HEATR5A: variants seen among roughly 807,000 people sequenced by gnomAD.
The protein encoded by HEATR5A is HEAT repeat-containing protein 5A.
HEATR5A carries 178 observed loss-of-function variants against 218.8 expected under a neutral mutation model. The ratio of observed to expected loss-of-function variants is 0.81; its 90% CI spans 0.72 to 0.92. HEATR5A has a LOEUF of 0.92. Among genes scored for constraint, HEATR5A ranks in the 40% least tolerant of loss-of-function variants. HEATR5A has a pLI of 0.00. For missense variants in HEATR5A, 2,420 were observed against 2,418.9 expected (o/e 1.00, Z -0.01); for synonymous variants, 864 against 871.6 (o/e 0.99, Z 0.15).
chr14:31,416,002 G>C (rs1313850855), intron 1 of HEATR5A, among the ~76,000 whole-genome samples: 3 of 151,706 alleles, frequency 2.0e-5, no homozygotes, highest in African/African-American at 7.3e-5. Context: ...CCAGGCTGGA[G>C]TGCAGTGGCA....
intron 14 of HEATR5A, among the ~76,000 whole-genome samples, chr14:31,359,729 CAAAAAAAAAAA>C (rs376157768): frequency 2.2e-4 from 7 of 32,198 alleles, no homozygotes; most frequent in Non-Finnish European, 4.5e-4. Flanking sequence ...CATCTCAAGA[CAAAAAAAAAAA>C]AAAAAAAAAA....
At chr14:31,406,167 A>G (rs2031053415) in intron 1 of HEATR5A, among the ~76,000 whole-genome samples, 1 of 152,216 alleles carries the variant, frequency 6.6e-6, no homozygotes, top group South Asian at 2.1e-4. Context: ...ATACGTTTTA[A>G]AATAACCACA....
intron 14 of HEATR5A, among the ~76,000 whole-genome samples, chr14:31,363,797 A>G (rs1370091731): frequency 6.6e-6 from 1 of 152,174 alleles, no homozygotes; most frequent in Non-Finnish European, 1.5e-5. Context: ...CTTGGGCAAC[A>G]TGGCGAAACC....
chr14:31,336,534 T>C (rs998091780), intron 22 of HEATR5A, among the ~76,000 whole-genome samples: 2 of 152,080 alleles, frequency 1.3e-5, no homozygotes, highest in African/African-American at 4.8e-5. Context: ...TGAATTCATA[T>C]GCAAATTCAG....
chr14:31,343,978 G>C lies in HEATR5A; in HGVS notation c.3146C>G (p.Ala1049Gly). The C allele has an allele frequency of 6.2e-7, 1 of 1,611,958 alleles. No individual in the cohort carries two copies. Among genetic ancestry groups the C allele is most frequent in the Non-Finnish European group, 8.5e-7 (1 of 1,178,918 alleles). The change falls in exon 21 of 36, where the codon GCT (alanine) becomes GGT (glycine). Residue 1049 changes from alanine to glycine, a missense_variant. By Grantham distance (60) the Ala-to-Gly change is moderately conservative. Coordinates refer to ENST00000543095, the MANE Select transcript of HEATR5A (RefSeq NM_015473.4). ...MQDNPDCLVQ[A>G]QAISCLQQLH... ...CTGCTGAAGGCAAGAGATGGCCTGA[G>C]CTTGAACAAGGCAGTCTGGGTTATC... is the stretch of plus-strand genomic sequence containing the variant.
rs1901157792 is a variant in HEATR5A, at chr14:31,349,842, T to C, written c.2655A>G (p.Gln885=). The change falls in exon 18 of 36, where the codon CAA becomes CAG. Residue 885 remains glutamine, a synonymous_variant. Coordinates refer to ENST00000543095, the MANE Select transcript of HEATR5A (RefSeq NM_015473.4). ...CAGTAAAAGCTCCATCATCTACCAC[T>C]TGGGCTAATCTAGCCCATGACTCTG... ...AAAESWARLA[Q]VVDDGAFTAG... is the part of the protein sequence containing the mutation. The C allele has an allele frequency of 1.2e-6, 2 of 1,612,658 alleles. No individual in the cohort carries two copies. The highest frequency in any genetic ancestry group is 1.7e-6 in the Non-Finnish European group (2 of 1,178,794).
intron 7 of HEATR5A, among the ~76,000 whole-genome samples, chr14:31,387,992 G>A (rs1437711475): frequency 1.3e-5 from 2 of 152,054 alleles, no homozygotes; most frequent in African/African-American, 4.8e-5. Flanking sequence ...TGTGAACAAC[G>A]GCTCCGAGAG....
At chr14:31,348,315 C>T (rs1444636018) in intron 18 of HEATR5A, among the ~76,000 whole-genome samples, 1 of 152,144 alleles carries the variant, frequency 6.6e-6, no homozygotes, top group Non-Finnish European at 1.5e-5. Flanking sequence ...GTAGCTCACG[C>T]CTGTACTCTC....
At chr14:31,407,133 A>G (rs1281342614) in intron 1 of HEATR5A, among the ~76,000 whole-genome samples, 1 of 136,908 alleles carries the variant, frequency 7.3e-6, no homozygotes, top group Non-Finnish European at 1.7e-5. Flanking sequence ...TCTACAAAAA[A>G]TAAAAAAATT....
intron 14 of HEATR5A, among the ~76,000 whole-genome samples, chr14:31,359,464 C>T (rs532748198): frequency 3.0e-4 from 46 of 151,810 alleles, no homozygotes; most frequent in African/African-American, 9.2e-4. Flanking sequence ...TGGTGGCTCA[C>T]ACCTGTAATC....
At chr14:31,413,784 T>C (rs1294504802) in intron 1 of HEATR5A, among the ~76,000 whole-genome samples, 6 of 152,224 alleles carry the variant, frequency 3.9e-5, no homozygotes, top group African/African-American at 1.2e-4. Flanking sequence ...GCTACTTAAG[T>C]GGAAGAAGAA....
chr14:31,403,018 A>C lies in HEATR5A; in HGVS notation c.-43T>G, dbSNP rs1379728165. The stretch of plus-strand genomic sequence containing the variant: ...CCAGCTGATCACAGTTCTTCTCGTT[A>C]AACTTTGGTCAATATACCTAACAAT... On this transcript the variant is annotated 5_prime_UTR_variant, in exon 2 of 36. Transcript: ENST00000543095. 6.6e-7 allele frequency: 1 copy of C among 1,523,052 alleles called. No homozygotes were observed. Among genetic ancestry groups the C allele is most frequent in the East Asian group, 2.5e-5 (1 of 40,770 alleles). The allele number at this position is 1,523,052 out of a possible 1,614,324, so 94.3% of individuals were successfully genotyped here.
At chr14:31,308,246 A>G (rs143140822) in intron 29 of HEATR5A, among the ~76,000 whole-genome samples, 5,287 of 152,154 alleles carry the variant, frequency 0.035, 274 homozygotes, top group African/African-American at 0.11. Context: ...GGTGGCTCAC[A>G]CCTGTAATCC....
At position 31,293,294 on chromosome 14, in the gene HEATR5A, C is replaced by CAA. The variant is rs56060018; in HGVS notation, c.*9_*10dup. ...TATTATATTAAGGTGCTTACTATTCCAAAAAAAAAATCAGAGGAAACTGGT... is the reference window on the plus strand; with the variant it reads ...TATTATATTAAGGTGCTTACTATTCCAAAAAAAAAAAATCAGAGGAAACTGGT... On this transcript the variant is annotated 3_prime_UTR_variant, in exon 36 of 36. Coordinates refer to ENST00000543095, the MANE Select transcript of HEATR5A (RefSeq NM_015473.4). 150 of 1,321,612 alleles carry CAA rather than the reference C, an allele frequency of 1.1e-4. No individual in the cohort carries two copies. In the African/African-American group the frequency reaches 1.9e-3, roughly 17 times the overall value. The allele number at this position is 1,321,612 out of a possible 1,614,324, so 81.9% of individuals were successfully genotyped here.
At chr14:31,301,827 T>C (rs1168114411) in intron 33 of HEATR5A, among the ~76,000 whole-genome samples, 2 of 144,488 alleles carry the variant, frequency 1.4e-5, no homozygotes, top group African/African-American at 5.2e-5. Context: ...TTTTTTTTTT[T>C]TTTTTTTTGA....
rs183682293 is a variant in HEATR5A at position 31,394,543 on chromosome 14, C to T, written c.598-317G>A. Among the ~76,000 whole-genome samples, 1,134 of 152,080 alleles carry T rather than the reference C, an allele frequency of 7.5e-3. 2 individuals are homozygous for T. Among genetic ancestry groups the T allele is most frequent in the Non-Finnish European group, 0.011 (720 of 67,992 alleles). ...ACATTAAAAAAACTCTGGCTGGGCACGGAGGCTCACACCTGTAATCCCAGC... is the reference window on the plus strand; with the variant it reads ...ACATTAAAAAAACTCTGGCTGGGCATGGAGGCTCACACCTGTAATCCCAGC... On this transcript the variant is annotated intron_variant, in intron 5 of 35. Coordinates refer to ENST00000543095, the MANE Select transcript of HEATR5A (RefSeq NM_015473.4).
In HEATR5A at chr14:31,347,903, T is replaced by C; in HGVS notation, c.2713A>G (p.Lys905Glu). The change falls in exon 19 of 36, where the codon AAA (lysine) becomes GAA (glutamate). Residue 905 changes from lysine (K) to glutamate (E), a missense_variant. Lys to Glu is a moderately conservative substitution (Grantham distance 56). Transcript: ENST00000543095. ...CTGGTAACCACATCCCTTGCTGATT[T>C]CAATCTGTAAATATAAAAATAAAAA... ...GLAQVSFDKL[K>E]SARDVVTRTG... is the part of the protein sequence containing the mutation. The C allele has an allele frequency of 6.7e-7, 1 of 1,490,538 alleles. No individual in the cohort carries two copies. Among genetic ancestry groups the C allele is most frequent in the East Asian group, 2.5e-5 (1 of 39,862 alleles). 92.3% of individuals were successfully genotyped at this position (1,490,538 alleles called of 1,614,324 possible).
At chr14:31,375,129 T>G (rs544537899) in intron 11 of HEATR5A, among the ~76,000 whole-genome samples, 161 bp from the exon 12 acceptor site, 1 of 152,318 alleles carries the variant, frequency 6.6e-6, no homozygotes, top group Non-Finnish European at 1.5e-5. Flanking sequence ...CTGAATGAAT[T>G]ATTATCTGAA....
At chr14:31,319,698 T>A (rs1195604497) in intron 25 of HEATR5A, among the ~76,000 whole-genome samples, 1 of 152,160 alleles carries the variant, frequency 6.6e-6, no homozygotes, top group African/African-American at 2.4e-5. Context: ...CTTAAATTGT[T>A]CAATGGACCA....
Sources: gnomAD v4.1 joint callset for allele counts (sites outside exome capture counted in the v4.1 genomes callset) on GRCh38, gnomAD v4.1.1 for gene constraint, MANE v1.5 for transcripts, NCBI Gene and HGNC (gene_info 2026-07-23, HGNC 2026-07-21) for gene names.